The following ZMYM2 variants were observed in gnomAD, a reference collection of about 807,000 sequenced individuals.
ZMYM2 encodes the protein zinc finger MYM-type containing 2.
Under a neutral mutation model 162.8 loss-of-function variants are expected in ZMYM2, and 56 were observed. That is an observed-to-expected ratio of 0.34 (90% CI 0.28 to 0.43). ZMYM2 has a LOEUF of 0.43. Among genes scored for constraint, ZMYM2 ranks in the 20% least tolerant of loss-of-function variants. The probability of loss-of-function intolerance (pLI) is 1.00; values close to 1 mark genes in which losing one functional copy is unlikely to be tolerated. For synonymous variants in ZMYM2, 510 were observed against 541.6 expected, an observed-to-expected ratio of 0.94 and a Z score of 0.81; for missense variants, 1,275 against 1,621.8, an observed-to-expected ratio of 0.79 and a Z score of 3.67.
At chr13:20,014,916 C>T (rs1594366615) in intron 6 of ZMYM2, among the ~76,000 whole-genome samples, 1 of 151,998 alleles carries the variant, frequency 6.6e-6, no homozygotes, top group Non-Finnish European at 1.5e-5. Context: ...AGGCATGTGC[C>T]ACCACACCTG....
chr13:19,912,592 C>T, the ZMYM2 span, among the ~76,000 whole-genome samples: 5 of 152,084 alleles, frequency 3.3e-5, no homozygotes, highest in East Asian at 9.6e-4. Context: ...CCTTGACCTC[C>T]CAAAGGGCTG....
intron 2 of ZMYM2, among the ~76,000 whole-genome samples, chr13:19,967,659 C>T (rs920476293): frequency 2.0e-5 from 3 of 152,154 alleles, no homozygotes; most frequent in Non-Finnish European, 4.4e-5. Context: ...TTTGCGATAT[C>T]AGGCAAGTCA....
the ZMYM2 span, among the ~76,000 whole-genome samples, chr13:19,933,264 G>A: frequency 6.6e-6 from 1 of 152,134 alleles, no homozygotes; most frequent in Non-Finnish European, 1.5e-5. Flanking sequence ...TTTCTTTGAT[G>A]TATCAGCTTC....
the ZMYM2 span, among the ~76,000 whole-genome samples, chr13:19,898,199 A>C: frequency 6.6e-6 from 1 of 152,144 alleles, no homozygotes; most frequent in Non-Finnish European, 1.5e-5. Context: ...AAAAGTAGAA[A>C]AGTAAAAAAA....
At chr13:19,987,988 A>G (rs1473097965) in intron 2 of ZMYM2, among the ~76,000 whole-genome samples, 2 of 152,248 alleles carry the variant, frequency 1.3e-5, no homozygotes, top group African/African-American at 4.8e-5. Context: ...GACAGCAGAT[A>G]GACACACAGC....
rs1952422572 is a variant in ZMYM2, at chr13:20,024,690, A to G, written c.1585-1922A>G. On this transcript the variant is annotated intron_variant, in intron 7 of 24. Transcript: ENST00000610343. ...AAATTTAAGTCATCAAATAGACCTC[A>G]GGAAACAAACAAAAAAAAAAGCAGA... 9 of 222,650 alleles carry G rather than the reference A, an allele frequency of 4.0e-5. No individual in the cohort carries two copies. In the South Asian group the frequency reaches 1.7e-3, roughly 41 times the overall value. 13.8% of individuals were successfully genotyped at this position (222,650 alleles called of 1,614,324 possible).
intron 9 of ZMYM2, among the ~76,000 whole-genome samples, chr13:20,029,121 T>C (rs1952841406): frequency 6.6e-6 from 1 of 152,250 alleles, no homozygotes; most frequent in African/African-American, 2.4e-5. Context: ...TGGTAGCTTA[T>C]AAATAGAAGT....
intron 14 of ZMYM2, among the ~76,000 whole-genome samples, chr13:20,053,056 T>G (rs1329381530): frequency 6.6e-6 from 1 of 152,208 alleles, no homozygotes; most frequent in Non-Finnish European, 1.5e-5. Context: ...TTTAAGAGTT[T>G]TATAGGTTGA....
chr13:20,006,309 G>A, intron 5 of ZMYM2, 65 bp from the exon 6 acceptor site: 1 of 1,441,298 alleles, frequency 6.9e-7, no homozygotes, highest in Non-Finnish European at 9.3e-7. Context: ...TGTTCAGAAT[G>A]CTTTATTATT....
intron 2 of ZMYM2, chr13:19,965,408 G>A (rs979398697): frequency 2.2e-6 from 1 of 445,220 alleles, no homozygotes; most frequent in African/African-American, 2.1e-5. Context: ...AGGAAGAATA[G>A]TGTTTCTTGG....
intron 3 of ZMYM2, among the ~76,000 whole-genome samples, chr13:20,000,000 G>T (rs886316713): frequency 4.6e-5 from 7 of 152,018 alleles, no homozygotes; most frequent in African/African-American, 1.7e-4. Flanking sequence ...ACAGGGTTTC[G>T]CTATGTTGCC....
chr13:19,903,083 G>A, the ZMYM2 span, among the ~76,000 whole-genome samples: 1 of 152,088 alleles, frequency 6.6e-6, no homozygotes, highest in East Asian at 1.9e-4. Context: ...TTGAACCCAG[G>A]AGGTGGAGGT....
intron 2 of ZMYM2, among the ~76,000 whole-genome samples, chr13:19,984,473 G>A (rs1228399361): frequency 3.3e-5 from 5 of 152,172 alleles, no homozygotes; most frequent in African/African-American, 1.2e-4. Flanking sequence ...TTCACATCCA[G>A]TTATACCTTT....
chr13:20,049,998 G>A (rs1955170966), intron 12 of ZMYM2, among the ~76,000 whole-genome samples: 1 of 151,936 alleles, frequency 6.6e-6, no homozygotes, highest in African/African-American at 2.4e-5. Flanking sequence ...GAACAGTCTC[G>A]CTGGTGAGAA....
the ZMYM2 span, among the ~76,000 whole-genome samples, chr13:19,932,527 T>C: frequency 5.3e-5 from 8 of 152,152 alleles, no homozygotes; most frequent in South Asian, 1.5e-3. Flanking sequence ...TGCGCGCCTG[T>C]AATCCCAGCT....
chr13:19,899,230 C>T, the ZMYM2 span, among the ~76,000 whole-genome samples: 5 of 150,580 alleles, frequency 3.3e-5, no homozygotes, highest in South Asian at 2.1e-4. Flanking sequence ...GGATTACAAG[C>T]GTGAGCCACC....
intron 6 of ZMYM2, among the ~76,000 whole-genome samples, chr13:20,016,127 A>G (rs185326528): frequency 7.9e-5 from 12 of 151,076 alleles, no homozygotes; most frequent in Admixed American, 4.0e-4. Flanking sequence ...AGTTGATTGT[A>G]GTGCACTGTT....
chr13:20,039,073 C>T (rs1480778936), intron 12 of ZMYM2, among the ~76,000 whole-genome samples: 1 of 152,090 alleles, frequency 6.6e-6, no homozygotes, highest in Non-Finnish European at 1.5e-5. Context: ...ATTTGGCCCT[C>T]AGCTTGATTG....
the ZMYM2 span, among the ~76,000 whole-genome samples, chr13:19,880,398 A>G: frequency 0.69 from 104,544 of 151,864 alleles, 38,694 homozygotes; most frequent in East Asian, 0.89. Context: ...TAATTCCTAT[A>G]TATTTATTCT....
Sources: gnomAD v4.1 joint callset for allele counts (sites outside exome capture counted in the v4.1 genomes callset) on GRCh38, gnomAD v4.1.1 for gene constraint, MANE v1.5 for transcripts, NCBI Gene and HGNC (gene_info 2026-07-23, HGNC 2026-07-21) for gene names.